Variants in ERC1 observed in about 807,000 individuals in gnomAD.
ERC1 encodes ELKS/RAB6-interacting/CAST family member 1, also known as RAB6 interacting protein 2.
In ERC1, 56 loss-of-function variants were observed where a neutral mutation model predicts 132.0. That is an observed-to-expected ratio of 0.42 (90% CI 0.34 to 0.53). The LOEUF is 0.53. Among genes scored for constraint, ERC1 ranks in the 20% least tolerant of loss-of-function variants. The probability of loss-of-function intolerance (pLI) is 0.03; values close to 1 mark genes in which losing one functional copy is unlikely to be tolerated. For missense variants in ERC1, 1,202 were observed against 1,349.9 expected, an observed-to-expected ratio of 0.89 and a Z score of 1.72; for synonymous variants, 478 against 476.1, an observed-to-expected ratio of 1.00 and a Z score of -0.05.
At chr12:1,168,056 T>G (rs60297984) in intron 8 of ERC1, among the ~76,000 whole-genome samples, 1 of 151,954 alleles carries the variant, frequency 6.6e-6, no homozygotes, top group African/African-American at 2.4e-5. Flanking sequence ...GGTAAGAAAC[T>G]GACATTTGGA....
At chr12:1,314,518 G>A (rs957003530) in intron 15 of ERC1, among the ~76,000 whole-genome samples, 9 of 152,218 alleles carry the variant, frequency 5.9e-5, no homozygotes, top group Middle Eastern at 3.4e-3. Context: ...TAAAAAATGC[G>A]CAAAAACTTT....
intron 17 of ERC1, among the ~76,000 whole-genome samples, chr12:1,436,476 ACT>A (rs1447264409): frequency 1.3e-5 from 2 of 152,004 alleles, no homozygotes; most frequent in Non-Finnish European, 2.9e-5. Context: ...ACCCTGGGTA[ACT>A]CCGCTTGCCT....
intron 12 of ERC1, among the ~76,000 whole-genome samples, chr12:1,192,165 T>C (rs1242591229): frequency 1.3e-5 from 2 of 152,202 alleles, no homozygotes; most frequent in Non-Finnish European, 2.9e-5. Flanking sequence ...TCCTTACCCT[T>C]AGGTGATTTA....
intron 12 of ERC1, among the ~76,000 whole-genome samples, chr12:1,203,500 T>C (rs1957099649): frequency 6.6e-6 from 1 of 152,358 alleles, no homozygotes; most frequent in South Asian, 2.1e-4. Context: ...ACAATGACTT[T>C]TTAAAACTTG....
chr12:1,140,728 A>G (rs970174524), intron 7 of ERC1, among the ~76,000 whole-genome samples: 4 of 152,200 alleles, frequency 2.6e-5, no homozygotes, highest in African/African-American at 9.7e-5. Context: ...TCTGGTAGCC[A>G]CCAGCCATTT....
chr12:1,470,120 T>TAA (rs113732773), intron 18 of ERC1, among the ~76,000 whole-genome samples: 1 of 138,594 alleles, frequency 7.2e-6, no homozygotes. Context: ...AGATTTATAC[T>TAA]AAAAAAAAAA....
At chr12:1,448,741 G>T (rs965607808) in intron 18 of ERC1, among the ~76,000 whole-genome samples, 2 of 152,230 alleles carry the variant, frequency 1.3e-5, no homozygotes, top group African/African-American at 2.4e-5. Context: ...CAATGCTAGG[G>T]CAGTGCAGAA....
chr12:1,470,211 C>T (rs879026348), intron 18 of ERC1, among the ~76,000 whole-genome samples: 7 of 151,688 alleles, frequency 4.6e-5, no homozygotes, highest in East Asian at 3.9e-4. Flanking sequence ...TCAGATACCA[C>T]GCACTGGAAA....
intron 15 of ERC1, among the ~76,000 whole-genome samples, chr12:1,317,291 A>G (rs1594957786): frequency 6.6e-6 from 1 of 152,302 alleles, no homozygotes; most frequent in East Asian, 1.9e-4. Context: ...ATTCTCAGCA[A>G]ACTAACACAG....
chr12:1,225,876 A>T (rs2074538296), intron 12 of ERC1, among the ~76,000 whole-genome samples: 1 of 152,150 alleles, frequency 6.6e-6, no homozygotes, highest in Non-Finnish European at 1.5e-5. Flanking sequence ...AACAGAGCAA[A>T]ATTTTTGCAT....
intron 18 of ERC1, among the ~76,000 whole-genome samples, chr12:1,483,668 CTTTTTTTTTTTTTTTTTTTTTTTTTTTT>C (rs35596394): frequency 3.6e-5 from 2 of 55,190 alleles, no homozygotes; most frequent in East Asian, 8.0e-4. Flanking sequence ...CCACTGAGAG[CTTTTTTTTTTTTTTTTTTTTTTTTTTTT>C]TTTTTTTTTT....
At chr12:1,384,989 T>C (rs1009682446) in intron 16 of ERC1, among the ~76,000 whole-genome samples, 6 of 152,176 alleles carry the variant, frequency 3.9e-5, no homozygotes, top group Non-Finnish European at 7.3e-5. Context: ...TACAAAGAGA[T>C]TGAATGGATA....
At chr12:1,379,665 T>C (rs1248446051) in intron 16 of ERC1, among the ~76,000 whole-genome samples, 1 of 152,208 alleles carries the variant, frequency 6.6e-6, no homozygotes, top group Non-Finnish European at 1.5e-5. Flanking sequence ...TGCAGGCAGC[T>C]TAGCAGGTGG....
At chr12:1,066,846 A>AAT (rs1202251191) in intron 2 of ERC1, among the ~76,000 whole-genome samples, 1 of 151,766 alleles carries the variant, frequency 6.6e-6, no homozygotes, top group Non-Finnish European at 1.5e-5. Context: ...CAAAAAAAAA[A>AAT]AAAAAAAATT....
At chr12:1,394,436 T>C (rs922666387) in intron 16 of ERC1, among the ~76,000 whole-genome samples, 8 of 152,126 alleles carry the variant, frequency 5.3e-5, no homozygotes, top group Admixed American at 1.3e-4. Context: ...GTATTACTTC[T>C]TGTTTTCGTG....
At chr12:1,220,276 G>A (rs527646822) in intron 12 of ERC1, among the ~76,000 whole-genome samples, 4 of 152,082 alleles carry the variant, frequency 2.6e-5, no homozygotes, top group East Asian at 1.9e-4. Flanking sequence ...TTATGTTCCC[G>A]CCTCCCCCTT....
intron 8 of ERC1, among the ~76,000 whole-genome samples, chr12:1,173,046 G>A (rs530342660): frequency 1.3e-5 from 2 of 152,236 alleles, no homozygotes; most frequent in African/African-American, 2.4e-5. Context: ...TTCTTTGGGG[G>A]TTCGTTTTAT....
chr12:1,345,020 A>G (rs904530648), intron 15 of ERC1, among the ~76,000 whole-genome samples: 2 of 152,210 alleles, frequency 1.3e-5, no homozygotes, highest in Non-Finnish European at 2.9e-5. Flanking sequence ...CCCCAAGTCA[A>G]TTGCCTAGAA....
At chr12:1,478,768 G>A (rs1000485163) in intron 18 of ERC1, among the ~76,000 whole-genome samples, 34 of 147,622 alleles carry the variant, frequency 2.3e-4, no homozygotes, top group African/African-American at 8.9e-4. Flanking sequence ...CAGCCTGAGC[G>A]ACAGAGTGAG....
Sources: gnomAD v4.1 joint callset for allele counts (sites outside exome capture counted in the v4.1 genomes callset) on GRCh38, gnomAD v4.1.1 for gene constraint, MANE v1.5 for transcripts, NCBI Gene and HGNC (gene_info 2026-07-23, HGNC 2026-07-21) for gene names.